Variants in NQO1 observed in about 807,000 individuals in gnomAD.
NQO1 encodes NAD(P)H dehydrogenase [quinone] 1.
NQO1 carries 30 observed loss-of-function variants against 32.1 expected under a neutral mutation model. The ratio of observed to expected loss-of-function variants is 0.94; its 90% CI spans 0.70 to 1.27. The LOEUF (loss-of-function observed/expected upper bound fraction) is 1.27. Among genes scored for constraint, NQO1 ranks in the 50% most tolerant of loss-of-function variants. The pLI is 0.00. For missense variants in NQO1, 276 were observed against 331.3 expected, an observed-to-expected ratio of 0.83 and a Z score of 1.30; for synonymous variants, 109 against 119.7, an observed-to-expected ratio of 0.91 and a Z score of 0.59.
rs761092662 is a variant in NQO1, at chr16:69,726,417, C to T, written c.7+16G>A. ...GAGAGACGACCGCCAAGCACCCCGC[C>T]CTTTGCAGCACTCACCGACCATGGC... On this transcript the variant is annotated intron_variant, in intron 1 of 5. Transcript: ENST00000320623. The T allele has an allele frequency of 1.9e-6, 3 of 1,611,904 alleles. No homozygotes were observed. The highest frequency in any genetic ancestry group is 1.3e-5 in the African/African-American group (1 of 74,896).
In NQO1 at chr16:69,710,709, C is replaced by T. The variant is rs2038026584; in HGVS notation, c.*267G>A. The T allele has an allele frequency of 2.2e-5, 8 of 362,968 alleles. No homozygotes were observed. Among genetic ancestry groups the T allele is most frequent in the South Asian group, 1.0e-4 (2 of 19,756 alleles). 22.5% of individuals were successfully genotyped at this position (362,968 alleles called of 1,614,324 possible). A position where few individuals can be genotyped will look rare whatever the true frequency, so the allele number is the denominator to read the frequency against. ...AAAGAGGAATTAAATTGTGTAGATG[C>T]CTTTAAAGAACATTTTTCTAGCATC... On this transcript the variant is annotated 3_prime_UTR_variant, in exon 6 of 6. Coordinates refer to ENST00000320623, the MANE Select transcript of NQO1 (RefSeq NM_000903.3).
intron 4 of NQO1, 28 bp downstream of exon 4, chr16:69,714,936 G>C: frequency 6.6e-7 from 1 of 1,504,442 alleles, no homozygotes; most frequent in Non-Finnish European, 9.3e-7. Flanking sequence ...GAAGCTGGCT[G>C]TCAGAGCATT....
At chr16:69,716,707 T>G (rs1158711690) in intron 3 of NQO1, among the ~76,000 whole-genome samples, 1 of 151,902 alleles carries the variant, frequency 6.6e-6, no homozygotes, top group Non-Finnish European at 1.5e-5. Flanking sequence ...CCCAGCCTTT[T>G]GGGAGGTCCA....
At chr16:69,723,781 A>C (rs557340130) in intron 1 of NQO1, among the ~76,000 whole-genome samples, 1 of 152,264 alleles carries the variant, frequency 6.6e-6, no homozygotes, top group Non-Finnish European at 1.5e-5. Context: ...CAGCCTGCGC[A>C]ACAGAGCAAG....
chr16:69,711,640 CTTTTTTTCTTTTTCTTTTT>C (rs2038042237), intron 5 of NQO1, among the ~76,000 whole-genome samples: 1 of 150,852 alleles, frequency 6.6e-6, no homozygotes, highest in Non-Finnish European at 1.5e-5. Flanking sequence ...TAGATGAGTC[CTTTTTTTCTTTTTCTTTTT>C]TTTTTTTTTT....
chr16:69,725,830 C>T (rs1348001460), intron 1 of NQO1, among the ~76,000 whole-genome samples: 1 of 152,140 alleles, frequency 6.6e-6, no homozygotes, highest in African/African-American at 2.4e-5. Flanking sequence ...GCTGAGATAG[C>T]GCCATTGCAC....
intron 5 of NQO1, among the ~76,000 whole-genome samples, 154 bp downstream of exon 5, chr16:69,712,874 C>T (rs904356171): frequency 2.0e-5 from 3 of 152,052 alleles, no homozygotes; most frequent in African/African-American, 4.8e-5. Flanking sequence ...AGTGTGGTGG[C>T]GGGTGCCTGT....
intron 1 of NQO1, among the ~76,000 whole-genome samples, chr16:69,723,019 C>A (rs2038213399): frequency 6.6e-6 from 1 of 152,158 alleles, no homozygotes; most frequent in African/African-American, 2.4e-5. Context: ...GCTCCGCCTC[C>A]CAGGTTCACG....
At chr16:69,718,337 C>A (rs764524391) in intron 2 of NQO1, 33 bp downstream of exon 2, 170 of 1,613,660 alleles carry the variant, frequency 1.1e-4, no homozygotes, top group Non-Finnish European at 1.4e-4. Flanking sequence ...CCGCAAAGAA[C>A]TAATTAAAGA....
At chr16:69,722,956 T>C (rs1273572715) in intron 1 of NQO1, among the ~76,000 whole-genome samples, 5 of 152,156 alleles carry the variant, frequency 3.3e-5, no homozygotes, top group Admixed American at 3.3e-4. Flanking sequence ...GAGACAGAGT[T>C]TCGCTCTGTC....
chr16:69,724,270 G>A (rs1029191889), intron 1 of NQO1, among the ~76,000 whole-genome samples: 3 of 152,048 alleles, frequency 2.0e-5, no homozygotes, highest in South Asian at 2.1e-4. Context: ...CCAAGATCAC[G>A]CCACTGCACT....
Position 69,726,525 on chromosome 16 carries a change from G to T in NQO1, c.-86C>A, listed in dbSNP as rs554345555. The stretch of plus-strand genomic sequence containing the variant: ...CCGGAACTAGGCTCTCGGTGAGCTG[G>T]GCGGCTCCGGCTGCAACCTTGTGGG... On this transcript the variant is annotated 5_prime_UTR_variant, in exon 1 of 6. Transcript: ENST00000320623. 4 of 1,566,254 alleles carry T rather than the reference G, an allele frequency of 2.6e-6. No homozygotes were observed. Among genetic ancestry groups the T allele is most frequent in the South Asian group, 2.3e-5 (2 of 88,566 alleles).
In NQO1 at chr16:69,726,414, C is replaced by T. The variant is rs748680225; in HGVS notation, c.7+19G>A. The T allele has an allele frequency of 3.1e-6, 5 of 1,611,882 alleles. No individual in the cohort carries two copies. Among genetic ancestry groups the T allele is most frequent in the Admixed American group, 3.3e-5 (2 of 59,898 alleles). The stretch of plus-strand genomic sequence containing the variant: ...CTCGAGAGACGACCGCCAAGCACCC[C>T]GCCCTTTGCAGCACTCACCGACCAT... On this transcript the variant is annotated intron_variant, in intron 1 of 5. Transcript: ENST00000320623.
At chr16:69,716,167 AAATAAT>A (rs751455910) in intron 3 of NQO1, among the ~76,000 whole-genome samples, 5 of 148,656 alleles carry the variant, frequency 3.4e-5, no homozygotes, top group African/African-American at 5.0e-5. Flanking sequence ...CTCCATCTCT[AAATAAT>A]AATAATAATA....
At chr16:69,721,804 G>A (rs531281237) in intron 1 of NQO1, among the ~76,000 whole-genome samples, 1 of 143,258 alleles carries the variant, frequency 7.0e-6, no homozygotes, top group Admixed American at 7.4e-5. Context: ...GACCAGCCTG[G>A]CTAACATGGA....
At chr16:69,724,568 G>GCC (rs2038236828) in intron 1 of NQO1, among the ~76,000 whole-genome samples, 29 of 151,692 alleles carry the variant, frequency 1.9e-4, no homozygotes, top group Admixed American at 1.8e-3. Context: ...TGGGTGTGGT[G>GCC]GCACACACCT....
intron 4 of NQO1, among the ~76,000 whole-genome samples, chr16:69,714,517 G>A (rs115593987): frequency 0.043 from 6,587 of 151,908 alleles, 490 homozygotes; most frequent in African/African-American, 0.15. Flanking sequence ...CATTCCATCT[G>A]TAAAAACTTG....
chr16:69,713,888 G>GTTTTTTTTGTTTTTGTTT (rs376877333), intron 4 of NQO1, among the ~76,000 whole-genome samples: 1 of 130,030 alleles, frequency 7.7e-6, no homozygotes, highest in Non-Finnish European at 1.6e-5. Context: ...TTTTGTTTTT[G>GTTTTTTTTGTTTTTGTTT]TTTTTGATAT....
In NQO1 at chr16:69,718,514, G is replaced by A. The variant is rs746867790; in HGVS notation, c.28C>T (p.Leu10=). Residue 10 remains leucine, a synonymous_variant, in exon 2 of 6, where the codon CTG becomes TTG. Transcript: ENST00000320623. The part of the protein sequence containing the change: MVGRRALIV[L]AHSERTSFNY... The stretch of plus-strand genomic sequence containing the variant: ...AAGGACGTCCTCTCTGAGTGAGCCA[G>A]TACGATCAGTGCTCTTCTGCCTACA... 33 of 1,613,920 alleles carry A rather than the reference G, an allele frequency of 2.0e-5. 1 individual carries two copies. In the South Asian group the frequency reaches 3.1e-4, roughly 15 times the overall value.
Sources: allele counts gnomAD v4.1 joint callset (sites outside exome capture counted in the v4.1 genomes callset), GRCh38; gene constraint gnomAD v4.1.1; transcripts MANE v1.5; gene names NCBI Gene and HGNC (gene_info 2026-07-23, HGNC 2026-07-21).